Variants in UBASH3A observed in about 807,000 individuals in gnomAD.
UBASH3A encodes the protein ubiquitin associated and SH3 domain containing A, also known as ubiquitin-associated and SH3 domain-containing protein A.
A neutral mutation model predicts 73.5 loss-of-function variants in UBASH3A; 63 were observed. The observed-to-expected ratio is 0.86, with a 90% CI of 0.70 to 1.06. The LOEUF (loss-of-function observed/expected upper bound fraction) is 1.06, where lower values mean the gene tolerates loss of function less well. Ranked by LOEUF, UBASH3A falls within the 50% of genes least tolerant of loss-of-function variation. The pLI is 0.00. For synonymous variants in UBASH3A, 363 were observed against 351.1 expected, an observed-to-expected ratio of 1.03 and a Z score of -0.38; for missense variants, 860 against 859.0, an observed-to-expected ratio of 1.00 and a Z score of -0.02.
intron 14 of UBASH3A, among the ~76,000 whole-genome samples, chr21:42,445,937 G>T (rs879621947): frequency 6.6e-6 from 1 of 152,098 alleles, no homozygotes; most frequent in Non-Finnish European, 1.5e-5. Flanking sequence ...CCAAAATGTT[G>T]CTCTTGCTTC....
At chr21:42,446,820 C>G (rs1404840240) in intron 14 of UBASH3A, among the ~76,000 whole-genome samples, 5 of 152,196 alleles carry the variant, frequency 3.3e-5, no homozygotes, top group African/African-American at 4.8e-5. Flanking sequence ...GCACCTCCAT[C>G]CTCAGTTGTG....
intron 6 of UBASH3A, chr21:42,417,470 G>A (rs2053237283): frequency 6.9e-6 from 1 of 145,424 alleles, no homozygotes; most frequent in African/African-American, 2.5e-5. Context: ...CTATTGTAAA[G>A]ATCTATGAAT....
intron 6 of UBASH3A, among the ~76,000 whole-genome samples, chr21:42,416,934 AAAG>A (rs1446972888): frequency 6.6e-6 from 1 of 151,912 alleles, no homozygotes; most frequent in East Asian, 1.9e-4. Flanking sequence ...CGTCTCAAAA[AAAG>A]AAGCAGATGA....
intron 2 of UBASH3A, among the ~76,000 whole-genome samples, chr21:42,407,890 AT>A (rs2053010680): frequency 6.6e-6 from 1 of 152,398 alleles, no homozygotes; most frequent in African/African-American, 2.4e-5. Flanking sequence ...AACATTGTAT[AT>A]GTATACATGA....
At chr21:42,426,915 T>C (rs571256862) in intron 8 of UBASH3A, 95 bp downstream of exon 8, 47 of 1,477,934 alleles carry the variant, frequency 3.2e-5, no homozygotes, top group Non-Finnish European at 3.8e-5. Flanking sequence ...GGTGTAGCTT[T>C]TGTTCCATAG....
intron 8 of UBASH3A, among the ~76,000 whole-genome samples, chr21:42,428,190 C>T (rs532166714): frequency 6.6e-6 from 1 of 152,266 alleles, no homozygotes; most frequent in South Asian, 2.1e-4. Context: ...CCTCCAGCCT[C>T]CAGGACTGTG....
intron 7 of UBASH3A, 96 bp from the exon 8 acceptor site, chr21:42,426,601 C>T (rs1487196156): frequency 6.9e-6 from 10 of 1,439,214 alleles, no homozygotes; most frequent in African/African-American, 5.7e-5. Flanking sequence ...GAGGTTGTCC[C>T]GGACATTCTC....
At chr21:42,426,182 G>T (rs2053431535) in intron 7 of UBASH3A, among the ~76,000 whole-genome samples, 1 of 152,116 alleles carries the variant, frequency 6.6e-6, no homozygotes, top group African/African-American at 2.4e-5. Flanking sequence ...TCCTCTTAAG[G>T]CCTTCAACTG....
At chr21:42,427,786 G>C (rs540007046) in intron 8 of UBASH3A, among the ~76,000 whole-genome samples, 4 of 152,264 alleles carry the variant, frequency 2.6e-5, no homozygotes, top group African/African-American at 7.2e-5. Context: ...AGTCCCCAGG[G>C]CCCATCCTGG....
chr21:42,405,915 G>A, intron 1 of UBASH3A, among the ~76,000 whole-genome samples: 1 of 151,168 alleles, frequency 6.6e-6, no homozygotes, highest in South Asian at 2.1e-4. Flanking sequence ...CGCTGATGCT[G>A]GGGTGAGGAA....
At chr21:42,421,670 C>A (rs1285018628) in intron 7 of UBASH3A, among the ~76,000 whole-genome samples, 4 of 152,150 alleles carry the variant, frequency 2.6e-5, no homozygotes, top group African/African-American at 9.7e-5. Context: ...ATGCACATGG[C>A]AAAACTATGA....
intron 7 of UBASH3A, among the ~76,000 whole-genome samples, chr21:42,420,734 C>T (rs1360443779): frequency 6.6e-6 from 1 of 151,706 alleles, no homozygotes; most frequent in East Asian, 1.9e-4. Flanking sequence ...GACACAGCTG[C>T]TATTGAAGTC....
Position 42,447,575 on chromosome 21 carries a change from A to T in UBASH3A, c.*381A>T, listed in dbSNP as rs2053864738. 6.1e-6 allele frequency: 1 copy of T among 165,034 alleles called. No individual in the cohort carries two copies. The allele number at this position is 165,034 out of a possible 1,614,324, so 10.2% of individuals were successfully genotyped here. A position where few individuals can be genotyped will look rare whatever the true frequency, so the allele number is the denominator to read the frequency against. ...TCCATGGTCTAATCATTAAATTCCC[A>T]ATCGTTTTTTCTTTTTCTGGGTCCA... On this transcript the variant is annotated 3_prime_UTR_variant, in exon 15 of 15. Transcript: ENST00000319294.
rs561760598 is a variant in UBASH3A, at chr21:42,409,352, T to C, written c.168-70T>C. On this transcript the variant is annotated intron_variant, in intron 2 of 14. Transcript: ENST00000319294. ...TGCATTGCTGTCATTGTCATTCTGT[T>C]GTGTATCCTCAAAGGGGAAAACTCT... 68 of 1,447,032 alleles carry C rather than the reference T, an allele frequency of 4.7e-5. No individual in the cohort carries two copies. The South Asian group carries it at 8.5e-4, about 18-fold the overall frequency. 89.6% of individuals were successfully genotyped at this position (1,447,032 alleles called of 1,614,324 possible). A position where few individuals can be genotyped will look rare whatever the true frequency, so the allele number is the denominator to read the frequency against.
chr21:42,405,142 A>T (rs139459360), intron 1 of UBASH3A, among the ~76,000 whole-genome samples: 15 of 152,150 alleles, frequency 9.9e-5, no homozygotes, highest in African/African-American at 3.1e-4. Context: ...AGCTAGACAA[A>T]CCCATTTCTT....
Position 42,416,589 on chromosome 21 carries a change from A to G in UBASH3A, c.815A>G (p.Asp272Gly). The G allele has an allele frequency of 6.2e-7, 1 of 1,600,274 alleles. No homozygotes were observed. Among genetic ancestry groups the G allele is most frequent in the East Asian group, 2.3e-5 (1 of 43,460 alleles). The change falls in exon 6 of 15, where the codon GAC becomes GGC. Residue 272 changes from aspartate to glycine, a missense_variant. By Grantham distance (94) the Asp-to-Gly change is moderately conservative. Coordinates refer to ENST00000319294, the MANE Select transcript of UBASH3A (RefSeq NM_018961.4). ...TGGACCGCAGCACTCTACTCCCGAG[A>G]CATGCGCTTTGTGCACTACCAGGTG... ...CQWTAALYSR[D>G]MRFVHYQTLR... is the part of the protein sequence containing the mutation.
At chr21:42,440,960 T>C (rs1019232443) in intron 11 of UBASH3A, among the ~76,000 whole-genome samples, 1 of 152,240 alleles carries the variant, frequency 6.6e-6, no homozygotes. Flanking sequence ...TTCTATTATT[T>C]GGGTCACTTG....
At chr21:42,406,523 G>A (rs2052980404) in intron 2 of UBASH3A, among the ~76,000 whole-genome samples, 162 bp downstream of exon 2, 1 of 152,180 alleles carries the variant, frequency 6.6e-6, no homozygotes, top group South Asian at 2.1e-4. Context: ...CCTACCCATA[G>A]TGCACTGAGG....
In UBASH3A at chr21:42,431,786, T is replaced by G. The variant is rs554410965; in HGVS notation, c.1171-317T>G. On this transcript the variant is annotated intron_variant, in intron 8 of 14. Coordinates refer to ENST00000319294, the MANE Select transcript of UBASH3A (RefSeq NM_018961.4). ...GATAGGGATAATGTCCTAAGACGTCTCTATGGGAATGATAAGGACTTAGAA... is the reference window on the plus strand; with the variant it reads ...GATAGGGATAATGTCCTAAGACGTCGCTATGGGAATGATAAGGACTTAGAA... Among the ~76,000 whole-genome samples, 156 of 152,324 alleles carry G rather than the reference T, an allele frequency of 1.0e-3. 2 individuals are homozygous for G. The highest frequency in any genetic ancestry group is 5.9e-4 in the Non-Finnish European group (40 of 68,042).
Sources: gnomAD v4.1 joint callset for allele counts (sites outside exome capture counted in the v4.1 genomes callset) on GRCh38, gnomAD v4.1.1 for gene constraint, MANE v1.5 for transcripts, NCBI Gene and HGNC (gene_info 2026-07-23, HGNC 2026-07-21) for gene names.